Variants in TTLL1 observed in about 807,000 individuals in gnomAD.
TTLL1 encodes the protein TTL family tubulin polyglutamylase complex subunit L1.
TTLL1 carries 33 observed loss-of-function variants against 47.8 expected under a neutral mutation model. That is an observed-to-expected ratio of 0.69 (90% confidence interval 0.52 to 0.92). The LOEUF is 0.92. Among genes scored for constraint, TTLL1 ranks in the 40% least tolerant of loss-of-function variants. The probability of loss-of-function intolerance (pLI) is 0.00; values close to 1 mark genes in which losing one functional copy is unlikely to be tolerated. For missense variants in TTLL1, 488 were observed against 547.5 expected, an observed-to-expected ratio of 0.89 and a Z score of 1.08; for synonymous variants, 225 against 214.1, an observed-to-expected ratio of 1.05 and a Z score of -0.45.
chr22:43,081,059 GAGCCCAT>G (rs1182200831), intron 1 of TTLL1, among the ~76,000 whole-genome samples: 27 of 151,696 alleles, frequency 1.8e-4, no homozygotes, highest in African/African-American at 6.3e-4. Flanking sequence ...GGGATTACAG[GAGCCCAT>G]CACCACGCCT....
At chr22:43,068,306 G>T in intron 5 of TTLL1, 104 bp downstream of exon 5, 1 of 1,016,500 alleles carries the variant, frequency 9.8e-7, no homozygotes, top group Non-Finnish European at 1.4e-6. Flanking sequence ...GACAGAGTGA[G>T]ACTCTGTCAA....
intron 1 of TTLL1, among the ~76,000 whole-genome samples, chr22:43,082,621 C>A (rs956048132): frequency 5.9e-5 from 9 of 151,912 alleles, no homozygotes; most frequent in Non-Finnish European, 5.9e-5. Context: ...GAGGCTGAGG[C>A]AGGAGAATTG....
At chr22:43,088,674 G>A (rs1929412394) in intron 1 of TTLL1, among the ~76,000 whole-genome samples, 1 of 152,040 alleles carries the variant, frequency 6.6e-6, no homozygotes, top group African/African-American at 2.4e-5. Context: ...CCACAACCCG[G>A]CACCATAATG....
intron 1 of TTLL1, among the ~76,000 whole-genome samples, chr22:43,085,501 G>A (rs5996270): frequency 2.4e-4 from 36 of 152,262 alleles, no homozygotes; most frequent in African/African-American, 6.7e-4. Context: ...TACTGTTCTC[G>A]TGGTAGTGAA....
intron 10 of TTLL1, among the ~76,000 whole-genome samples, chr22:43,043,903 T>G (rs779633649): frequency 3.9e-5 from 6 of 152,002 alleles, no homozygotes; most frequent in Non-Finnish European, 7.4e-5. Context: ...GTGATGGCAA[T>G]GACCAAACAG....
At chr22:43,056,727 A>G (rs566517654) in intron 8 of TTLL1, among the ~76,000 whole-genome samples, 28 of 151,558 alleles carry the variant, frequency 1.8e-4, no homozygotes, top group Non-Finnish European at 2.9e-4. Flanking sequence ...GGAGGTTGCT[A>G]GGAGCCAAGA....
chr22:43,074,284 A>T (rs1162599190), intron 3 of TTLL1, among the ~76,000 whole-genome samples: 1 of 151,896 alleles, frequency 6.6e-6, no homozygotes, highest in Non-Finnish European at 1.5e-5. Context: ...AAAATAAGCC[A>T]GGCGTGGTGG....
Position 43,070,093 on chromosome 22 carries a change from A to G in TTLL1, c.114-249T>C, listed in dbSNP as rs1242659238. ...TGAGCTGTTTCCCTCTCTGGCCCGG[A>G]GCAGGCACTCAATAGATGTTTATTG... On this transcript the variant is annotated intron_variant, in intron 3 of 10. Transcript: ENST00000266254. 4.6e-6 allele frequency: 6 copies of G among 1,304,882 alleles called. No individual in the cohort carries two copies. The African/African-American group carries it at 6.0e-5, about 13-fold the overall frequency. 80.8% of individuals were successfully genotyped at this position (1,304,882 alleles called of 1,614,324 possible).
At chr22:43,071,377 G>GT (rs1928108732) in intron 3 of TTLL1, among the ~76,000 whole-genome samples, 1 of 152,056 alleles carries the variant, frequency 6.6e-6, no homozygotes, top group Admixed American at 6.6e-5. Context: ...GCTCACGTCT[G>GT]TAATCCAGCA....
intron 1 of TTLL1, among the ~76,000 whole-genome samples, chr22:43,081,404 C>G (rs1003010812): frequency 6.6e-6 from 1 of 152,042 alleles, no homozygotes; most frequent in Non-Finnish European, 1.5e-5. Flanking sequence ...TTTTGACAGT[C>G]GCTCCCATAG....
chr22:43,053,167 G>A (rs944900087), intron 8 of TTLL1, among the ~76,000 whole-genome samples: 3 of 152,144 alleles, frequency 2.0e-5, no homozygotes, highest in African/African-American at 4.8e-5. Context: ...CTCTGGAGAC[G>A]CACCACAGTT....
At chr22:43,055,267 G>A (rs1013074623) in intron 8 of TTLL1, among the ~76,000 whole-genome samples, 1 of 150,462 alleles carries the variant, frequency 6.6e-6, no homozygotes, top group African/African-American at 2.4e-5. Context: ...CATGTGATCC[G>A]CCCACCTCAG....
intron 8 of TTLL1, among the ~76,000 whole-genome samples, chr22:43,052,561 G>A (rs757075809): frequency 6.6e-6 from 1 of 151,768 alleles, no homozygotes; most frequent in Middle Eastern, 3.2e-3. Flanking sequence ...GCAACACAGC[G>A]AGACCCCCGC....
intron 10 of TTLL1, among the ~76,000 whole-genome samples, chr22:43,045,688 C>A (rs904366549): frequency 1.3e-5 from 2 of 151,976 alleles, no homozygotes; most frequent in African/African-American, 4.8e-5. Context: ...CAGCTCTATG[C>A]GGCAAAGCCA....
At position 43,055,253 on chromosome 22, in the gene TTLL1, G is replaced by A. The variant is rs528249795; in HGVS notation, c.892-3366C>T. On this transcript the variant is annotated intron_variant, in intron 8 of 10. Coordinates refer to ENST00000266254, the MANE Select transcript of TTLL1 (RefSeq NM_012263.5). ...TATCCAGGCTGGTCTTCAACTCCTG[G>A]CCTCATGTGATCCGCCCACCTCAGC... is the stretch of plus-strand genomic sequence containing the variant. 1.8e-4 allele frequency among the ~76,000 whole-genome samples: 27 copies of A among 151,092 alleles called. 1 individual carries two copies. The South Asian group carries it at 5.4e-3, about 30-fold the overall frequency.
intron 8 of TTLL1, among the ~76,000 whole-genome samples, chr22:43,053,016 C>T (rs576491304): frequency 2.0e-5 from 3 of 150,592 alleles, no homozygotes; most frequent in Admixed American, 1.3e-4. Context: ...GCCGAGACTG[C>T]GCCACTGCAC....
intron 1 of TTLL1, among the ~76,000 whole-genome samples, chr22:43,081,692 C>T (rs1031515806): frequency 4.0e-5 from 6 of 149,122 alleles, no homozygotes; most frequent in Non-Finnish European, 8.9e-5. Flanking sequence ...GGACTACAGG[C>T]GCCTGCCACC....
chr22:43,061,025 G>C (rs757802873), intron 7 of TTLL1, among the ~76,000 whole-genome samples: 1 of 151,924 alleles, frequency 6.6e-6, no homozygotes, highest in Non-Finnish European at 1.5e-5. Context: ...GTGAAACCTC[G>C]TCTCTACTAA....
intron 1 of TTLL1, among the ~76,000 whole-genome samples, chr22:43,084,536 C>T (rs1929104336): frequency 6.6e-6 from 1 of 151,932 alleles, no homozygotes; most frequent in Admixed American, 6.6e-5. Flanking sequence ...GAGTCTTGCT[C>T]AATCGCCCAG....
Sources: allele counts gnomAD v4.1 joint callset (sites outside exome capture counted in the v4.1 genomes callset), GRCh38; gene constraint gnomAD v4.1.1; transcripts MANE v1.5; gene names NCBI Gene and HGNC (gene_info 2026-07-23, HGNC 2026-07-21).